Variants in HSD17B4 observed in about 807,000 individuals in gnomAD.
The protein encoded by HSD17B4 is peroxisomal multifunctional enzyme type 2.
HSD17B4 carries 70 observed loss-of-function variants against 101.0 expected under a neutral mutation model. That is an observed-to-expected ratio of 0.69 (90% CI 0.57 to 0.85). The LOEUF is 0.85. HSD17B4 is among the 40% of genes least tolerant of loss of function. The pLI, the probability that HSD17B4 is intolerant of heterozygous loss-of-function variation, is 0.00. For missense variants in HSD17B4, 984 were observed against 892.4 expected (o/e 1.10, Z -1.31); for synonymous variants, 347 against 297.1 (o/e 1.17, Z -1.73).
At chr5:119,533,737 T>C (rs1400396150) in intron 22 of HSD17B4, among the ~76,000 whole-genome samples, 1 of 151,978 alleles carries the variant, frequency 6.6e-6, no homozygotes. Context: ...GGAAAGCATA[T>C]TTGAGGAATT....
intron 17 of HSD17B4, among the ~76,000 whole-genome samples, chr5:119,516,669 T>G (rs1024015590): frequency 2.6e-5 from 4 of 152,216 alleles, no homozygotes; most frequent in African/African-American, 9.6e-5. Flanking sequence ...TGCATAAAAC[T>G]TTGCATAAAT....
chr5:119,533,856 T>C (rs1310009084), intron 22 of HSD17B4, among the ~76,000 whole-genome samples: 1 of 152,142 alleles, frequency 6.6e-6, no homozygotes, highest in African/African-American at 2.4e-5. Flanking sequence ...GTTCACTTTA[T>C]GGAATAATGG....
chr5:119,506,946 A>G, intron 15 of HSD17B4, 57 bp downstream of exon 15: 1 of 866,064 alleles, frequency 1.2e-6, no homozygotes, highest in Admixed American at 1.9e-5. Context: ...TTTGTGTATG[A>G]CATAATACTT....
intron 23 of HSD17B4, among the ~76,000 whole-genome samples, chr5:119,537,324 T>A (rs1359188634): frequency 6.6e-6 from 1 of 152,172 alleles, no homozygotes; most frequent in East Asian, 1.9e-4. Flanking sequence ...TAAATTTGAA[T>A]CTTGCCCCTG....
At position 119,474,010 on chromosome 5, in the gene HSD17B4, A is replaced by G. The variant is rs776049285; in HGVS notation, c.215A>G (p.Asn72Ser). 1.3e-6 allele frequency: 2 copies of G among 1,524,198 alleles called. No homozygotes were observed. The highest frequency in any genetic ancestry group is 1.4e-5 in the African/African-American group (1 of 73,278). 94.4% of individuals were successfully genotyped at this position (1,524,198 alleles called of 1,614,324 possible). A position where few individuals can be genotyped will look rare whatever the true frequency, so the allele number is the denominator to read the frequency against. Residue 72 changes from asparagine to serine, a missense_variant, in exon 3 of 24, where the codon AAC becomes AGC. Physicochemically the swap from Asn to Ser is conservative, Grantham distance 46. Transcript: ENST00000510025. ...IRRRGGKAVA[N>S]YDSVEEGEKV... ...AGGAGAGGTGGAAAAGCAGTGGCCAACTATGGTATGGTATTTGAGAGAACT... is the reference window on the plus strand; with the variant it reads ...AGGAGAGGTGGAAAAGCAGTGGCCAGCTATGGTATGGTATTTGAGAGAACT...
chr5:119,491,359 C>A (rs769449990), intron 9 of HSD17B4, among the ~76,000 whole-genome samples: 4 of 151,868 alleles, frequency 2.6e-5, no homozygotes, highest in Admixed American at 1.3e-4. Flanking sequence ...TGATACATTT[C>A]TTCTATCATA....
At position 119,515,052 on chromosome 5, in the gene HSD17B4, A is replaced by G. The variant is rs1200280223; in HGVS notation, c.1503+6A>G. On this transcript the variant is annotated splice_donor_region_variant and intron_variant, in intron 17 of 23. Transcript: ENST00000510025. Reference sequence around the variant, plus strand: ...ATACCACCTCTCTTAATCAGGTAAGATTGTATTTTTGAAAAATGATAAATC... The same window carrying G: ...ATACCACCTCTCTTAATCAGGTAAGGTTGTATTTTTGAAAAATGATAAATC... 2 of 1,542,250 alleles carry G rather than the reference A, an allele frequency of 1.3e-6. No individual in the cohort carries two copies. The highest frequency in any genetic ancestry group is 2.2e-5 in the South Asian group (2 of 89,602).
At chr5:119,461,033 C>CA (rs1755175282) in intron 2 of HSD17B4, among the ~76,000 whole-genome samples, 1 of 152,028 alleles carries the variant, frequency 6.6e-6, no homozygotes, top group South Asian at 2.1e-4. Flanking sequence ...GAGATGAGGG[C>CA]AGAGGGGTCC....
At position 119,512,067 on chromosome 5, in the gene HSD17B4, A is replaced by G. The variant is rs181206216; in HGVS notation, c.1437+2823A>G. ...TGGAGCTGAAAGTATAATAACTGAG[A>G]TGAAAAATTTACTGTTGAAGGGCCA... is the stretch of plus-strand genomic sequence containing the variant. On this transcript the variant is annotated intron_variant, in intron 16 of 23. Transcript: ENST00000510025. Among the ~76,000 whole-genome samples the G allele has an allele frequency of 1.7e-3, 261 of 152,314 alleles. 6 individuals carry two copies. In the South Asian group the frequency reaches 0.046, roughly 27 times the overall value.
Position 119,510,370 on chromosome 5 carries a change from GTTC to G in HSD17B4, c.1437+1128_1437+1130del, listed in dbSNP as rs564347121. On this transcript the variant is annotated intron_variant, in intron 16 of 23. Transcript: ENST00000510025. ...GCAAGATAATTCTGGTTATTCTTTTGTTCTCAAATTCTAGAAACATATTTTTCC... is the reference window on the plus strand; with the variant it reads ...GCAAGATAATTCTGGTTATTCTTTTGTCAAATTCTAGAAACATATTTTTCC... Among the ~76,000 whole-genome samples the G allele has an allele frequency of 9.9e-5, 15 of 152,136 alleles. No homozygotes were observed. The East Asian group carries it at 2.9e-3, about 29-fold the overall frequency.
intron 7 of HSD17B4, chr5:119,478,105 T>G (rs1014573754): frequency 6.3e-6 from 1 of 157,570 alleles, no homozygotes; most frequent in African/African-American, 2.4e-5. Flanking sequence ...TGGGGAGAGA[T>G]GAATGGCTAG....
chr5:119,462,838 C>T (rs904787695), intron 2 of HSD17B4, among the ~76,000 whole-genome samples: 1 of 152,076 alleles, frequency 6.6e-6, no homozygotes, highest in Non-Finnish European at 1.5e-5. Context: ...AACATTTATC[C>T]TTTCTTTGCA....
At position 119,474,615 on chromosome 5, in the gene HSD17B4, A is replaced by G. The variant is rs566849556; in HGVS notation, c.280+155A>G. ...AAGTTAATTATTGTACTTATTTCAT[A>G]AAGGGTTTAATTGAGGTGGCAATTT... On this transcript the variant is annotated intron_variant, in intron 4 of 23. Coordinates refer to ENST00000510025, the MANE Select transcript of HSD17B4 (RefSeq NM_000414.4). Among the ~76,000 whole-genome samples, 12 of 152,326 alleles carry G rather than the reference A, an allele frequency of 7.9e-5. No individual in the cohort carries two copies. In the East Asian group the frequency reaches 2.3e-3, roughly 29 times the overall value.
chr5:119,459,903 C>G (rs1443978664), intron 2 of HSD17B4, among the ~76,000 whole-genome samples: 2 of 147,992 alleles, frequency 1.4e-5, no homozygotes, highest in African/African-American at 2.5e-5. Flanking sequence ...GGGAGTCTCC[C>G]TCTTTTGCCC....
rs769101245 is a variant in HSD17B4 at position 119,473,977 on chromosome 5, A to T, written c.182A>T (p.Glu61Val). 1 of 1,611,684 alleles carries T rather than the reference A, an allele frequency of 6.2e-7. No homozygotes were observed. Among genetic ancestry groups the T allele is most frequent in the South Asian group, 1.1e-5 (1 of 90,930 alleles). Residue 61 changes from glutamate (E) to valine (V), a missense_variant, in exon 3 of 24, where the codon GAA (glutamate) becomes GTA (valine). By Grantham distance (121) the Glu-to-Val change is moderately radical. Coordinates refer to ENST00000510025, the MANE Select transcript of HSD17B4 (RefSeq NM_000414.4). Reference sequence around the variant, plus strand: ...TTAGCTGCTGATAAGGTTGTTGAAGAAATAAGAAGGAGAGGTGGAAAAGCA... The same window carrying T: ...TTAGCTGCTGATAAGGTTGTTGAAGTAATAAGAAGGAGAGGTGGAAAAGCA... Reference protein sequence around the residue: ...GSLAADKVVEEIRRRGGKAVA... With the variant: ...GSLAADKVVEVIRRRGGKAVA...
At chr5:119,480,854 T>G (rs983110725) in intron 8 of HSD17B4, among the ~76,000 whole-genome samples, 3 of 152,184 alleles carry the variant, frequency 2.0e-5, no homozygotes, top group African/African-American at 7.2e-5. Context: ...CTCAGGGACG[T>G]TCCATGCTGA....
At chr5:119,528,281 C>G (rs1340072116) in intron 20 of HSD17B4, among the ~76,000 whole-genome samples, 2 of 152,134 alleles carry the variant, frequency 1.3e-5, no homozygotes, top group Non-Finnish European at 2.9e-5. Flanking sequence ...CCCCAAATGT[C>G]TTTTCTGTAT....
At chr5:119,492,151 T>A (rs768560389) in intron 10 of HSD17B4, 27 bp downstream of exon 10, 37 of 1,567,622 alleles carry the variant, frequency 2.4e-5, no homozygotes, top group Non-Finnish European at 3.2e-5. Flanking sequence ...TTTTGGTTTG[T>A]ATAGATTATT....
chr5:119,476,627 T>G, intron 6 of HSD17B4: 2 of 985,030 alleles, frequency 2.0e-6, no homozygotes, highest in Non-Finnish European at 2.4e-6. Context: ...TCTGCTTCCC[T>G]TGTAACAACT....
Sources: gnomAD v4.1 joint callset for allele counts (sites outside exome capture counted in the v4.1 genomes callset) on GRCh38, gnomAD v4.1.1 for gene constraint, MANE v1.5 for transcripts, NCBI Gene and HGNC (gene_info 2026-07-23, HGNC 2026-07-21) for gene names.